HMGN3: variants seen among roughly 807,000 people sequenced by gnomAD.
The protein encoded by HMGN3 is high mobility group nucleosomal binding domain 3, also known as high mobility group nucleosome-binding domain-containing protein 3.
Under a neutral mutation model 18.8 loss-of-function variants are expected in HMGN3, and 6 were observed. The ratio of observed to expected loss-of-function variants is 0.32; its 90% CI spans 0.18 to 0.63. HMGN3 has a LOEUF of 0.63. Among genes scored for constraint, HMGN3 ranks in the 30% least tolerant of loss-of-function variants. The probability of loss-of-function intolerance (pLI) is 0.79; values close to 1 mark genes in which losing one functional copy is unlikely to be tolerated. For synonymous variants in HMGN3, 40 were observed against 36.5 expected, an observed-to-expected ratio of 1.10 and a Z score of -0.35; for missense variants, 107 against 114.2, an observed-to-expected ratio of 0.94 and a Z score of 0.29.
At chr6:79,233,173 T>C (rs1452192470) in intron 1 of HMGN3, among the ~76,000 whole-genome samples, 1 of 152,178 alleles carries the variant, frequency 6.6e-6, no homozygotes, top group Admixed American at 6.5e-5. Context: ...TTTATGTCTT[T>C]AAGTCCCAGC....
intron 1 of HMGN3, among the ~76,000 whole-genome samples, chr6:79,224,312 G>T (rs1041584570): frequency 6.6e-6 from 1 of 152,164 alleles, no homozygotes; most frequent in Non-Finnish European, 1.5e-5. Flanking sequence ...AAAACTGGGT[G>T]CAGATCTGGG....
chr6:79,212,458 C>T (rs750502967), intron 2 of HMGN3, among the ~76,000 whole-genome samples: 3 of 152,162 alleles, frequency 2.0e-5, no homozygotes, highest in Non-Finnish European at 2.9e-5. Context: ...ATGAAAGCAG[C>T]GATTTTTGCT....
At chr6:79,232,821 G>A (rs1044632016) in intron 1 of HMGN3, among the ~76,000 whole-genome samples, 3 of 152,036 alleles carry the variant, frequency 2.0e-5, no homozygotes, top group African/African-American at 7.2e-5. Flanking sequence ...TCTGTAACCC[G>A]TATCTTGATG....
intron 1 of HMGN3, among the ~76,000 whole-genome samples, chr6:79,223,738 CCT>C (rs1491261478): frequency 7.4e-4 from 36 of 48,344 alleles, no homozygotes; most frequent in African/African-American, 9.4e-4. Flanking sequence ...ACTAGAGTTA[CCT>C]TTTTTTTTTT....
At chr6:79,211,068 A>C (rs1225760418) in intron 2 of HMGN3, among the ~76,000 whole-genome samples, 1 of 151,562 alleles carries the variant, frequency 6.6e-6, no homozygotes, top group East Asian at 1.9e-4. Flanking sequence ...GTACCTAAAA[A>C]TCCTATCTTC....
intron 3 of HMGN3, 70 bp downstream of exon 3, chr6:79,208,477 C>T (rs1776525935): frequency 8.0e-7 from 1 of 1,251,066 alleles, no homozygotes; most frequent in Non-Finnish European, 1.2e-6. Context: ...CTTCCTTTTG[C>T]TGCTTCACTT....
At chr6:79,232,347 C>T (rs1441252827) in intron 1 of HMGN3, among the ~76,000 whole-genome samples, 1 of 152,094 alleles carries the variant, frequency 6.6e-6, no homozygotes, top group Non-Finnish European at 1.5e-5. Flanking sequence ...CCATGATCGC[C>T]GTGTTTAATC....
At chr6:79,234,568 A>G in exon 1 of HMGN3, 1 of 1,612,058 alleles carries the variant, frequency 6.2e-7, no homozygotes. Flanking sequence ...CATAATGACT[A>G]TGTCGGTGAA....
At chr6:79,201,971 C>A in intron 5 of HMGN3, 92 bp downstream of exon 6, 1 of 1,463,804 alleles carries the variant, frequency 6.8e-7, no homozygotes, top group Non-Finnish European at 8.9e-7. Context: ...TGCAAGCTCC[C>A]ACTCTTCATA....
rs960708450 is a variant in HMGN3, at chr6:79,214,492, C to T, written c.66+480G>A. ...CTGGGATTACAGGCGTGAGCCACTG[C>T]GCCCGGCCTATAGTTTTTGATTTTA... On this transcript the variant is annotated intron_variant, in intron 2 of 5. Coordinates refer to ENST00000344726, the Ensembl canonical transcript of HMGN3. Among the ~76,000 whole-genome samples, 9 of 152,144 alleles carry T rather than the reference C, an allele frequency of 5.9e-5. No homozygotes were observed. In the East Asian group the frequency reaches 7.7e-4, roughly 13 times the overall value.
chr6:79,201,412 A>T, exon 6 of HMGN3: 1 of 398,176 alleles, frequency 2.5e-6, no homozygotes, highest in Non-Finnish European at 4.5e-6. Context: ...AAAACACCAC[A>T]GTATGCACAG....
intron 1 of HMGN3, among the ~76,000 whole-genome samples, chr6:79,216,723 T>C (rs191059978): frequency 1.3e-5 from 2 of 152,346 alleles, no homozygotes; most frequent in East Asian, 1.9e-4. Flanking sequence ...TCAGTTGTGG[T>C]AGAGATGGCA....
At chr6:79,221,218 T>C (rs1405452993) in intron 1 of HMGN3, among the ~76,000 whole-genome samples, 1 of 152,212 alleles carries the variant, frequency 6.6e-6, no homozygotes, top group Non-Finnish European at 1.5e-5. Flanking sequence ...TGGTTTATAT[T>C]GCCTCCTCTT....
chr6:79,234,434 T>C, intron 1 of HMGN3, 112 bp downstream of exon 1: 1 of 988,950 alleles, frequency 1.0e-6, no homozygotes, highest in South Asian at 1.4e-5. Context: ...GGAGCAAAGA[T>C]TCCCAATCCC....
intron 1 of HMGN3, among the ~76,000 whole-genome samples, chr6:79,219,785 T>G (rs926402318): frequency 6.6e-6 from 1 of 152,222 alleles, no homozygotes; most frequent in Non-Finnish European, 1.5e-5. Flanking sequence ...GACTTTTTTG[T>G]ACTAAATCTT....
intron 3 of HMGN3, among the ~76,000 whole-genome samples, chr6:79,204,894 A>AT (rs1156993420): frequency 2.0e-5 from 3 of 152,214 alleles, no homozygotes; most frequent in South Asian, 4.1e-4. Context: ...AATTTAAAAC[A>AT]TTTTGTCATC....
At chr6:79,210,813 GT>G (rs1373631319) in intron 2 of HMGN3, among the ~76,000 whole-genome samples, 1 of 152,042 alleles carries the variant, frequency 6.6e-6, no homozygotes, top group African/African-American at 2.4e-5. Context: ...CGACAATGTT[GT>G]TCCTCTCCAT....
At chr6:79,216,153 T>TA (rs1036245702) in intron 1 of HMGN3, among the ~76,000 whole-genome samples, 1 of 152,200 alleles carries the variant, frequency 6.6e-6, no homozygotes, top group African/African-American at 2.4e-5. Flanking sequence ...AGAGAATTAA[T>TA]ATGATGACCT....
At chr6:79,228,763 C>T (rs1777687011) in intron 1 of HMGN3, among the ~76,000 whole-genome samples, 1 of 152,148 alleles carries the variant, frequency 6.6e-6, no homozygotes, top group Non-Finnish European at 1.5e-5. Flanking sequence ...GATGACGTCT[C>T]GCTATGTTGC....
Sources: allele counts gnomAD v4.1 joint callset (sites outside exome capture counted in the v4.1 genomes callset), GRCh38; gene constraint gnomAD v4.1.1; transcripts MANE v1.5; gene names NCBI Gene and HGNC (gene_info 2026-07-23, HGNC 2026-07-21).